The following ENTREP2 variants were observed in gnomAD, a reference collection of about 807,000 sequenced individuals.
ENTREP2 encodes protein ENTREP2.
At chr15:29,224,397 G>A in the ENTREP2 span, among the ~76,000 whole-genome samples, 1 of 152,118 alleles carries the variant, frequency 6.6e-6, no homozygotes, top group East Asian at 1.9e-4. Context: ...AACTGCGCCG[G>A]GTTGCCACTG....
the ENTREP2 span, among the ~76,000 whole-genome samples, chr15:29,582,906 C>T: frequency 1.3e-5 from 2 of 152,252 alleles, no homozygotes; most frequent in East Asian, 1.9e-4. Flanking sequence ...CCATTGGCCT[C>T]CCAAAGTGCT....
chr15:29,513,564 G>A, the ENTREP2 span, among the ~76,000 whole-genome samples: 8 of 152,276 alleles, frequency 5.3e-5, no homozygotes, highest in Middle Eastern at 0.01. Flanking sequence ...GAGAGTGCAT[G>A]ACACACATTT....
At chr15:29,158,714 G>T in the ENTREP2 span, among the ~76,000 whole-genome samples, 1 of 152,098 alleles carries the variant, frequency 6.6e-6, no homozygotes, top group South Asian at 2.1e-4. Flanking sequence ...GATTCAAAAC[G>T]GCGAATATGA....
chr15:29,514,025 T>C, the ENTREP2 span, among the ~76,000 whole-genome samples: 4 of 152,270 alleles, frequency 2.6e-5, no homozygotes, highest in East Asian at 5.8e-4. Context: ...AGAGCCCAGA[T>C]AGGGGGAGCA....
the ENTREP2 span, among the ~76,000 whole-genome samples, chr15:29,401,377 T>G: frequency 6.6e-6 from 1 of 152,198 alleles, no homozygotes; most frequent in African/African-American, 2.4e-5. Context: ...TGTTTAGATT[T>G]TTAATGAACA....
At chr15:29,667,553 G>A in the ENTREP2 span, among the ~76,000 whole-genome samples, 2 of 142,912 alleles carry the variant, frequency 1.4e-5, no homozygotes, top group Admixed American at 7.3e-5. Flanking sequence ...GTGCAATGGC[G>A]TGTGGTCTCA....
chr15:29,273,358 C>G, the ENTREP2 span, among the ~76,000 whole-genome samples: 1 of 151,942 alleles, frequency 6.6e-6, no homozygotes, highest in African/African-American at 2.4e-5. Context: ...ACCACCACGT[C>G]TGGCTTTTTT....
At chr15:29,479,164 A>G in the ENTREP2 span, among the ~76,000 whole-genome samples, 71,859 of 142,134 alleles carry the variant, frequency 0.51, 19,260 homozygotes, top group African/African-American at 0.71. Context: ...CCAAGATCAC[A>G]CCACTGCACT....
the ENTREP2 span, among the ~76,000 whole-genome samples, chr15:29,439,284 TACACACACACACACACAC>T: frequency 3.7e-4 from 36 of 97,142 alleles, no homozygotes; most frequent in South Asian, 6.5e-4. Flanking sequence ...AAATTGGAAT[TACACACACACACACACAC>T]ACACACACAC....
At chr15:29,128,727 A>G in the ENTREP2 span, 1 of 1,248,830 alleles carries the variant, frequency 8.0e-7, no homozygotes, top group Non-Finnish European at 1.1e-6. Flanking sequence ...GACGAGGACG[A>G]AAAAGAGACA....
At chr15:29,136,335 A>G in the ENTREP2 span, 1 of 1,470,356 alleles carries the variant, frequency 6.8e-7, no homozygotes, top group Non-Finnish European at 8.9e-7. Flanking sequence ...TTCCCACGGG[A>G]ACTGGCTTTG....
the ENTREP2 span, chr15:29,265,940 T>G: frequency 1.6e-4 from 24 of 152,280 alleles, no homozygotes; most frequent in African/African-American, 5.8e-4. Flanking sequence ...ATTTTAGGAT[T>G]AGGGGAATTT....
chr15:29,511,506 T>TA, the ENTREP2 span, among the ~76,000 whole-genome samples: 10,455 of 151,534 alleles, frequency 0.069, 411 homozygotes, highest in Non-Finnish European at 0.073. Context: ...TTTTTTTTTT[T>TA]ATTTTTTGTA....
the ENTREP2 span, among the ~76,000 whole-genome samples, chr15:29,481,475 AT>A: frequency 6.6e-6 from 1 of 152,138 alleles, no homozygotes; most frequent in Non-Finnish European, 1.5e-5. Context: ...AGACAGACTG[AT>A]TATACAAAAA....
chr15:29,618,061 T>TGAA, the ENTREP2 span, among the ~76,000 whole-genome samples: 1,307 of 152,290 alleles, frequency 8.6e-3, 22 homozygotes, highest in African/African-American at 0.03. Context: ...ATCTCTTTCT[T>TGAA]AGAGTCTTAG....
the ENTREP2 span, among the ~76,000 whole-genome samples, chr15:29,206,375 T>G: frequency 6.6e-6 from 1 of 152,042 alleles, no homozygotes; most frequent in African/African-American, 2.4e-5. Context: ...AATTTCAACA[T>G]AGAAATTCGG....
At chr15:29,303,345 A>G in the ENTREP2 span, among the ~76,000 whole-genome samples, 2 of 152,248 alleles carry the variant, frequency 1.3e-5, no homozygotes, top group African/African-American at 2.4e-5. Context: ...AGTCAGCTGC[A>G]CAGAAATGCT....
At chr15:29,155,314 T>C in the ENTREP2 span, among the ~76,000 whole-genome samples, 7 of 150,878 alleles carry the variant, frequency 4.6e-5, no homozygotes, top group Middle Eastern at 3.4e-3. Flanking sequence ...GAAGAAGCGT[T>C]AGGCAGAACC....
At chr15:29,274,377 C>T in the ENTREP2 span, among the ~76,000 whole-genome samples, 2 of 152,190 alleles carry the variant, frequency 1.3e-5, no homozygotes, top group Non-Finnish European at 2.9e-5. Flanking sequence ...TGAACACAGC[C>T]AATCTGCCTC....
Sources: gnomAD v4.1 joint callset for allele counts (sites outside exome capture counted in the v4.1 genomes callset) on GRCh38, gnomAD v4.1.1 for gene constraint, MANE v1.5 for transcripts, NCBI Gene and HGNC (gene_info 2026-07-23, HGNC 2026-07-21) for gene names.